Variants in ROBO2 observed in about 807,000 individuals in gnomAD.
The protein encoded by ROBO2 is roundabout guidance receptor 2.
Under a neutral mutation model 160.8 loss-of-function variants are expected in ROBO2, and 53 were observed. That is an observed-to-expected ratio of 0.33 (90% CI 0.26 to 0.41). The LOEUF (loss-of-function observed/expected upper bound fraction) is 0.41. Ranked by LOEUF, ROBO2 falls within the 10% of genes least tolerant of loss-of-function variation. The probability of loss-of-function intolerance (pLI) is 1.00; values close to 1 mark genes in which losing one functional copy is unlikely to be tolerated. For missense variants in ROBO2, 1,577 were observed against 1,722.4 expected, an observed-to-expected ratio of 0.92 and a Z score of 1.49; for synonymous variants, 664 against 611.7, an observed-to-expected ratio of 1.09 and a Z score of -1.26.
chr3:77,235,575 A>G (rs1251095428), intron 2 of ROBO2, among the ~76,000 whole-genome samples: 1 of 152,230 alleles, frequency 6.6e-6, no homozygotes, highest in Non-Finnish European at 1.5e-5. Context: ...GTGATATCAT[A>G]TATCAGCAAA....
At chr3:76,733,156 A>G (rs2093661830) in intron 2 of ROBO2, among the ~76,000 whole-genome samples, 1 of 152,218 alleles carries the variant, frequency 6.6e-6, no homozygotes, top group African/African-American at 2.4e-5. Context: ...TGAACATGAA[A>G]AAAATGTTTT....
rs1559567706 is a variant in ROBO2 at position 76,829,888 on chromosome 3, G to A, written c.110-268126G>A. Among the ~76,000 whole-genome samples the A allele has an allele frequency of 3.9e-5, 6 of 152,072 alleles. 1 individual carries two copies. In the South Asian group the frequency reaches 1.0e-3, roughly 26 times the overall value. ...TCACCATGTTGACCAGGTTGGTTTCGAACCTCTGATCTCAGGTGATCCACT... is the reference window on the plus strand; with the variant it reads ...TCACCATGTTGACCAGGTTGGTTTCAAACCTCTGATCTCAGGTGATCCACT... On this transcript the variant is annotated intron_variant, in intron 2 of 26. Transcript: ENST00000487694.
intron 2 of ROBO2, among the ~76,000 whole-genome samples, chr3:77,158,357 T>TA (rs1166281833): frequency 1.3e-5 from 2 of 152,072 alleles, no homozygotes; most frequent in African/African-American, 4.8e-5. Flanking sequence ...GGCTGTGATT[T>TA]AGAGAACTAC....
At chr3:77,141,328 A>C (rs1334055084) in intron 2 of ROBO2, among the ~76,000 whole-genome samples, 1 of 150,662 alleles carries the variant, frequency 6.6e-6, no homozygotes, top group Non-Finnish European at 1.5e-5. Context: ...ACTCTTTTAT[A>C]AACAGCCATT....
At chr3:76,992,657 A>G (rs901889834) in intron 2 of ROBO2, among the ~76,000 whole-genome samples, 1 of 151,698 alleles carries the variant, frequency 6.6e-6, no homozygotes, top group Non-Finnish European at 1.5e-5. Flanking sequence ...TTTTTTCTAT[A>G]TGAAGGGCCT....
chr3:77,306,649 G>A (rs2063119298), intron 2 of ROBO2, among the ~76,000 whole-genome samples: 1 of 152,062 alleles, frequency 6.6e-6, no homozygotes, highest in South Asian at 2.1e-4. Flanking sequence ...CTAAAAAGAT[G>A]GAGACATATA....
At chr3:76,767,417 C>T (rs1274965070) in intron 2 of ROBO2, among the ~76,000 whole-genome samples, 2 of 151,520 alleles carry the variant, frequency 1.3e-5, no homozygotes, top group African/African-American at 4.8e-5. Context: ...TCTTCTTGTT[C>T]GAAGAACGAT....
chr3:76,430,043 C>T (rs1222374089), intron 2 of ROBO2, among the ~76,000 whole-genome samples: 7 of 152,150 alleles, frequency 4.6e-5, no homozygotes, highest in Admixed American at 4.6e-4. Flanking sequence ...CCAATAGCAC[C>T]TGATTAGGGA....
At chr3:75,938,582 T>A (rs79047422) in intron 2 of ROBO2, among the ~76,000 whole-genome samples, 1 of 152,038 alleles carries the variant, frequency 6.6e-6, no homozygotes, top group South Asian at 2.1e-4. Flanking sequence ...AAATTGAAAG[T>A]GTGCAGTGTT....
chr3:77,622,855 C>G lies in ROBO2; in HGVS notation c.3760+423C>G, dbSNP rs79488195. Among the ~76,000 whole-genome samples the G allele has an allele frequency of 4.7e-4, 71 of 152,240 alleles. No homozygotes were observed. In the South Asian group the frequency reaches 0.015, roughly 32 times the overall value. ...ATCATTCACTGATGGAAAGTAAGCA[C>G]GTCTCCTGAATAAGCCACTTTAAGG... On this transcript the variant is annotated intron_variant, in intron 23 of 25. Transcript: ENST00000461745.
At chr3:76,060,125 C>T (rs974088211) in intron 2 of ROBO2, among the ~76,000 whole-genome samples, 7 of 151,202 alleles carry the variant, frequency 4.6e-5, no homozygotes, top group African/African-American at 1.7e-4. Context: ...TTTTTAAAGA[C>T]AATGTGATTT....
At chr3:77,596,069 C>G (rs761706146) in intron 18 of ROBO2, among the ~76,000 whole-genome samples, 2 of 151,940 alleles carry the variant, frequency 1.3e-5, no homozygotes, top group Non-Finnish European at 2.9e-5. Context: ...TAAAAAAAAC[C>G]CTTAATATAC....
intron 2 of ROBO2, among the ~76,000 whole-genome samples, chr3:76,295,300 G>T (rs1709010757): frequency 6.6e-6 from 1 of 152,164 alleles, no homozygotes; most frequent in South Asian, 2.1e-4. Flanking sequence ...GAGGGATGGG[G>T]TAAGAATCAC....
chr3:76,704,491 T>C (rs1475752388), intron 2 of ROBO2, among the ~76,000 whole-genome samples: 2 of 152,140 alleles, frequency 1.3e-5, no homozygotes, highest in Non-Finnish European at 2.9e-5. Context: ...GAATGATAGA[T>C]GTACAGTAAC....
At chr3:75,984,592 C>G (rs2065363687) in intron 2 of ROBO2, among the ~76,000 whole-genome samples, 1 of 151,162 alleles carries the variant, frequency 6.6e-6, no homozygotes, top group Non-Finnish European at 1.5e-5. Flanking sequence ...ACAAATAGCC[C>G]AATAGGATAA....
chr3:76,506,633 G>T (rs2080813177), intron 2 of ROBO2, among the ~76,000 whole-genome samples: 1 of 152,066 alleles, frequency 6.6e-6, no homozygotes, highest in South Asian at 2.1e-4. Context: ...AAGATATTGT[G>T]ATTTATAATT....
At chr3:76,602,578 A>T (rs1469891807) in intron 2 of ROBO2, among the ~76,000 whole-genome samples, 2 of 152,236 alleles carry the variant, frequency 1.3e-5, no homozygotes, top group Non-Finnish European at 2.9e-5. Flanking sequence ...CCCTTATCAA[A>T]CCATCAGATC....
chr3:76,436,582 G>T (rs1320313047), intron 2 of ROBO2, among the ~76,000 whole-genome samples: 1 of 152,044 alleles, frequency 6.6e-6, no homozygotes, highest in African/African-American at 2.4e-5. Context: ...AAGAGAGATT[G>T]TCCTGTGATT....
In ROBO2 at chr3:75,926,315, G is replaced by A. The variant is rs149682478; in HGVS notation, c.-13-11166G>A. Among the ~76,000 whole-genome samples the A allele has an allele frequency of 7.6e-3, 1,156 of 152,206 alleles. 18 individuals carry two copies. Among genetic ancestry groups the A allele is most frequent in the African/African-American group, 0.025 (1,050 of 41,538 alleles). ...TTACAGAGGTGAGCTTGTGCCATGG[G>A]GTTGGTTGTATGGTTTATTTAATCA... is the stretch of plus-strand genomic sequence containing the variant. On this transcript the variant is annotated intron_variant, in intron 1 of 26. Coordinates refer to the ROBO2 transcript ENST00000487694.
Sources: allele counts gnomAD v4.1 joint callset (sites outside exome capture counted in the v4.1 genomes callset), GRCh38; gene constraint gnomAD v4.1.1; transcripts MANE v1.5; gene names NCBI Gene and HGNC (gene_info 2026-07-23, HGNC 2026-07-21).